The following RNF17 variants were observed in gnomAD, a reference collection of about 807,000 sequenced individuals.
RNF17 encodes ring finger protein 17, also known as spermatogenesis associated 23.
In RNF17, 31 loss-of-function variants were observed where a neutral mutation model predicts 200.5. The ratio of observed to expected loss-of-function variants is 0.15; its 90% confidence interval spans 0.12 to 0.21. The LOEUF (loss-of-function observed/expected upper bound fraction) is 0.21. Ranked by LOEUF, RNF17 falls within the 10% of genes least tolerant of loss-of-function variation. The probability of loss-of-function intolerance (pLI) is 1.00; values close to 1 mark genes in which losing one functional copy is unlikely to be tolerated. For missense variants in RNF17, 1,628 were observed against 1,905.1 expected, an observed-to-expected ratio of 0.85 and a Z score of 2.71; for synonymous variants, 606 against 637.8, an observed-to-expected ratio of 0.95 and a Z score of 0.75.
chr13:24,748,243 C>A, the RNF17 span, among the ~76,000 whole-genome samples: 2 of 152,224 alleles, frequency 1.3e-5, no homozygotes, highest in Non-Finnish European at 2.9e-5. Flanking sequence ...CCAAGTGGAG[C>A]CACAGCCCTC....
At position 24,770,594 on chromosome 13, in the gene RNF17, G is replaced by A. The variant is rs578196086; in HGVS notation, c.225+3228G>A. Among the ~76,000 whole-genome samples the A allele has an allele frequency of 3.8e-3, 574 of 152,190 alleles. 2 individuals carry two copies. Among genetic ancestry groups the A allele is most frequent in the African/African-American group, 0.013 (555 of 41,520 alleles). ...GGGACTTAAAATACCATTCAGCTCA[G>A]TGAGATTTGTTAAAAGTAACCTAAC... On this transcript the variant is annotated intron_variant, in intron 2 of 35. Coordinates refer to ENST00000255324, the MANE Select transcript of RNF17 (RefSeq NM_031277.3).
chr13:24,765,087 C>T (rs1318528517), intron 1 of RNF17, among the ~76,000 whole-genome samples: 1 of 152,122 alleles, frequency 6.6e-6, no homozygotes, highest in East Asian at 1.9e-4. Flanking sequence ...GCGATCTCGG[C>T]TCACTGCAAG....
At chr13:24,852,292 C>A (rs1291344213) in intron 24 of RNF17, among the ~76,000 whole-genome samples, 1 of 152,094 alleles carries the variant, frequency 6.6e-6, no homozygotes, top group African/African-American at 2.4e-5. Flanking sequence ...GTGGCCGCCA[C>A]CTCGCCTGGC....
At chr13:24,801,758 A>G (rs1415316719) in intron 13 of RNF17, among the ~76,000 whole-genome samples, 1 of 152,218 alleles carries the variant, frequency 6.6e-6, no homozygotes, top group Non-Finnish European at 1.5e-5. Context: ...AGGCATACCT[A>G]TACTTTCAGA....
chr13:24,883,621 C>T (rs969121658), downstream of RNF17, among the ~76,000 whole-genome samples: 1 of 152,090 alleles, frequency 6.6e-6, no homozygotes, highest in African/African-American at 2.4e-5. Context: ...AACTTGTGTT[C>T]TTCCTTTTGG....
intron 1 of RNF17, among the ~76,000 whole-genome samples, chr13:24,765,830 A>G (rs958029210): frequency 1.6e-4 from 25 of 152,328 alleles, no homozygotes; most frequent in African/African-American, 5.8e-4. Flanking sequence ...TTCTTTGGCA[A>G]TATTATCCCT....
At chr13:24,777,492 A>AC (rs1566120650) in intron 3 of RNF17, among the ~76,000 whole-genome samples, 1 of 152,162 alleles carries the variant, frequency 6.6e-6, no homozygotes, top group Non-Finnish European at 1.5e-5. Flanking sequence ...ACACAGTGAG[A>AC]CCCCATCTCT....
intron 17 of RNF17, 36 bp from the exon 18 acceptor site, chr13:24,831,822 A>AT: frequency 1.9e-6 from 3 of 1,571,190 alleles, no homozygotes; most frequent in East Asian, 2.3e-5. Context: ...TAGAAATTAA[A>AT]TTTTTTTCTT....
chr13:24,862,912 T>A, intron 28 of RNF17, 119 bp downstream of exon 28: 1 of 519,464 alleles, frequency 1.9e-6, no homozygotes. Flanking sequence ...GTGAATTGCT[T>A]GTTAGCATAA....
At chr13:24,879,048 C>T in intron 34 of RNF17, 139 bp from the exon 35 acceptor site, 1 of 606,290 alleles carries the variant, frequency 1.6e-6, no homozygotes, top group Non-Finnish European at 2.9e-6. Context: ...ACTACAGATG[C>T]CTTTTGGAAG....
At chr13:24,775,203 A>G (rs1881389481) in intron 3 of RNF17, among the ~76,000 whole-genome samples, 1 of 152,204 alleles carries the variant, frequency 6.6e-6, no homozygotes, top group Admixed American at 6.5e-5. Context: ...AGTTATAGAG[A>G]AAAAAAGTAA....
intron 6 of RNF17, among the ~76,000 whole-genome samples, chr13:24,785,160 A>G (rs1882938123): frequency 6.6e-6 from 1 of 150,672 alleles, no homozygotes; most frequent in African/African-American, 2.4e-5. Flanking sequence ...CTAGTTACTT[A>G]TGGTATATCG....
At chr13:24,801,555 G>A (rs987951027) in intron 13 of RNF17, among the ~76,000 whole-genome samples, 7 of 152,238 alleles carry the variant, frequency 4.6e-5, no homozygotes, top group East Asian at 1.9e-4. Context: ...CTTGGGAGGC[G>A]GAGATTGCAT....
intron 6 of RNF17, among the ~76,000 whole-genome samples, chr13:24,785,100 T>C (rs1882931667): frequency 6.6e-6 from 1 of 152,186 alleles, no homozygotes; most frequent in Non-Finnish European, 1.5e-5. Context: ...TTATCTCTTC[T>C]CTTCTCCTTT....
At chr13:24,851,721 G>A (rs1377124670) in intron 24 of RNF17, 150 bp downstream of exon 24, 15 of 582,010 alleles carry the variant, frequency 2.6e-5, no homozygotes, top group Non-Finnish European at 4.5e-5. Context: ...CTCAGAAATA[G>A]ATTCCTTCAG....
chr13:24,825,563 A>G (rs1312067944), intron 15 of RNF17, 56 bp from the exon 16 acceptor site: 1 of 1,178,246 alleles, frequency 8.5e-7, no homozygotes, highest in African/African-American at 1.5e-5. Flanking sequence ...AATTCATTCA[A>G]CACTTACATT....
intron 22 of RNF17, among the ~76,000 whole-genome samples, chr13:24,849,887 T>G (rs1389437368): frequency 6.6e-6 from 1 of 152,170 alleles, no homozygotes; most frequent in Non-Finnish European, 1.5e-5. Flanking sequence ...CAAAGAGACT[T>G]TTTTTCTTTC....
rs1390464174 is a variant in RNF17, at chr13:24,800,240, G to A, written c.1590-126G>A. 14 of 609,610 alleles carry A rather than the reference G, an allele frequency of 2.3e-5. No homozygotes were observed. In the East Asian group the frequency reaches 3.8e-4, roughly 16 times the overall value. 37.8% of individuals were successfully genotyped at this position (609,610 alleles called of 1,614,324 possible). ...TATATAGTAAGAAAGTATTAATTTG[G>A]ACTATAACTTTCTAAAAGGTGTAAC... On this transcript the variant is annotated intron_variant, in intron 12 of 35. Transcript: ENST00000255324.
intron 1 of RNF17, among the ~76,000 whole-genome samples, chr13:24,765,468 T>C (rs1199856550): frequency 6.6e-6 from 1 of 152,206 alleles, no homozygotes; most frequent in African/African-American, 2.4e-5. Context: ...ATTCGATCAG[T>C]TTTCTCAGTC....
Sources: gnomAD v4.1 joint callset for allele counts (sites outside exome capture counted in the v4.1 genomes callset) on GRCh38, gnomAD v4.1.1 for gene constraint, MANE v1.5 for transcripts, NCBI Gene and HGNC (gene_info 2026-07-23, HGNC 2026-07-21) for gene names.